Variants in SORCS2 observed in about 807,000 individuals in gnomAD.
The protein encoded by SORCS2 is VPS10 domain-containing receptor SorCS2.
A neutral mutation model predicts 141.6 loss-of-function variants in SORCS2; 100 were observed. The observed-to-expected ratio is 0.71, with a 90% CI of 0.60 to 0.83. SORCS2 has a LOEUF of 0.83. Among genes scored for constraint, SORCS2 ranks in the 40% least tolerant of loss-of-function variants. The probability of loss-of-function intolerance (pLI) is 0.00; values close to 1 mark genes in which losing one functional copy is unlikely to be tolerated. For missense variants in SORCS2, 1,646 were observed against 1,560.2 expected (o/e 1.05, Z -0.93); for synonymous variants, 789 against 676.9 (o/e 1.17, Z -2.57).
chr4:7,712,084 C>T (rs1040392387), intron 14 of SORCS2, among the ~76,000 whole-genome samples: 2 of 152,156 alleles, frequency 1.3e-5, no homozygotes, highest in African/African-American at 4.8e-5. Context: ...ATACATGACA[C>T]CCTAAGTGGC....
At chr4:7,570,996 C>T (rs796297680) in intron 3 of SORCS2, among the ~76,000 whole-genome samples, 10 of 152,344 alleles carry the variant, frequency 6.6e-5, no homozygotes, top group African/African-American at 2.4e-4. Flanking sequence ...CGCAGCCACT[C>T]TCCAAGGAAA....
rs1373995864 is a variant in SORCS2, at chr4:7,512,624, C to G, written c.549-18906C>G. On this transcript the variant is annotated intron_variant, in intron 2 of 26. Transcript: ENST00000507866. ...TTAACCTCTACTTCCCTCTGGCTTT[C>G]AACAGGCAGGACAGCAGAGAAGGCC... 2.0e-5 allele frequency among the ~76,000 whole-genome samples: 3 copies of G among 152,056 alleles called. No individual in the cohort carries two copies. In the East Asian group the frequency reaches 5.8e-4, roughly 29 times the overall value.
At chr4:7,368,153 C>G (rs1360416094) in intron 1 of SORCS2, among the ~76,000 whole-genome samples, 1 of 152,206 alleles carries the variant, frequency 6.6e-6, no homozygotes. Flanking sequence ...GTGCCGGAAT[C>G]CTGTTCCAAA....
chr4:7,355,227 T>C (rs1577437436), intron 1 of SORCS2, among the ~76,000 whole-genome samples: 1 of 152,146 alleles, frequency 6.6e-6, no homozygotes, highest in Middle Eastern at 3.4e-3. Flanking sequence ...TCCCCTTCAC[T>C]CTCCCTTCTC....
At chr4:7,413,530 T>G (rs370959588) in intron 2 of SORCS2, among the ~76,000 whole-genome samples, 3 of 151,154 alleles carry the variant, frequency 2.0e-5, no homozygotes, top group African/African-American at 7.3e-5. Context: ...AGTAGCTACA[T>G]GCGCCCGCCA....
At chr4:7,737,730 C>T (rs1333850551) in intron 26 of SORCS2, among the ~76,000 whole-genome samples, 1 of 152,244 alleles carries the variant, frequency 6.6e-6, no homozygotes. Flanking sequence ...CCGCCCACCT[C>T]AGCGGCGTAG....
At chr4:7,638,187 A>G in intron 3 of SORCS2, 141 bp from the exon 4 acceptor site, 3 of 1,032,638 alleles carry the variant, frequency 2.9e-6, no homozygotes, top group South Asian at 3.5e-5. Context: ...TGAAGGGGAG[A>G]GGCACACCCG....
chr4:7,325,417 A>G (rs1261262843), intron 1 of SORCS2, among the ~76,000 whole-genome samples: 1 of 152,166 alleles, frequency 6.6e-6, no homozygotes, highest in Non-Finnish European at 1.5e-5. Context: ...GAATGAATGA[A>G]TGAAGCAGGC....
intron 1 of SORCS2, among the ~76,000 whole-genome samples, chr4:7,317,175 T>C (rs1718615455): frequency 6.6e-6 from 1 of 152,122 alleles, no homozygotes; most frequent in African/African-American, 2.4e-5. Context: ...TGGTGTAGTG[T>C]TGAAGGATGG....
rs1260939310 is a variant in SORCS2, at chr4:7,403,961, G to GTGTATATA, written c.548+7607_548+7608insGTATATAT. On this transcript the variant is annotated intron_variant, in intron 2 of 26. Coordinates refer to ENST00000507866, the MANE Select transcript of SORCS2 (RefSeq NM_020777.3). ...TGTCATTTTCTCTGCCTCCATGTGT[G>GTGTATATA]TATATATATATATATATATATATAT... Among the ~76,000 whole-genome samples the GTGTATATA allele has an allele frequency of 1.7e-4, 5 of 29,902 alleles. No individual in the cohort carries two copies. The East Asian group carries it at 3.5e-3, about 21-fold the overall frequency. The allele number at this position is 29,902 out of a possible 152,430, so 19.6% of individuals were successfully genotyped here.
chr4:7,593,048 C>G (rs1423109211), intron 3 of SORCS2, among the ~76,000 whole-genome samples: 1 of 152,168 alleles, frequency 6.6e-6, no homozygotes, highest in Non-Finnish European at 1.5e-5. Context: ...TGATAGGGCT[C>G]AGCCAGAAGG....
chr4:7,502,878 A>G (rs1732059394), intron 2 of SORCS2, among the ~76,000 whole-genome samples: 1 of 152,256 alleles, frequency 6.6e-6, no homozygotes, highest in Admixed American at 6.5e-5. Context: ...GGAGAGGAGA[A>G]TATTATAAAA....
chr4:7,602,521 G>A (rs965914746), intron 3 of SORCS2, among the ~76,000 whole-genome samples: 32 of 151,048 alleles, frequency 2.1e-4, no homozygotes, highest in South Asian at 4.2e-4. Flanking sequence ...GACGATGGGC[G>A]GCCGGGCAGA....
intron 1 of SORCS2, chr4:7,381,803 A>G: frequency 1.7e-6 from 1 of 579,726 alleles, no homozygotes; most frequent in South Asian, 7.6e-5. Context: ...AGCCATGTGC[A>G]GCCTGAAGGC....
intron 3 of SORCS2, among the ~76,000 whole-genome samples, chr4:7,546,612 T>G (rs948714906): frequency 2.0e-5 from 3 of 152,210 alleles, no homozygotes; most frequent in African/African-American, 4.8e-5. Flanking sequence ...CCGTGACACC[T>G]GGCCCCCAAG....
intron 3 of SORCS2, among the ~76,000 whole-genome samples, chr4:7,561,864 A>G (rs1714608659): frequency 6.6e-6 from 1 of 151,618 alleles, no homozygotes; most frequent in South Asian, 2.1e-4. Context: ...CCCATCCATC[A>G]GTCTACTCAT....
chr4:7,641,417 G>T (rs895977008), intron 4 of SORCS2, among the ~76,000 whole-genome samples: 3 of 152,118 alleles, frequency 2.0e-5, no homozygotes, highest in Admixed American at 2.0e-4. Flanking sequence ...TATCACACAA[G>T]AACAGCATGG....
intron 2 of SORCS2, among the ~76,000 whole-genome samples, chr4:7,459,073 C>G (rs532084301): frequency 1.3e-5 from 2 of 150,956 alleles, no homozygotes; most frequent in African/African-American, 4.8e-5. Context: ...GATATTGCTC[C>G]CCTGGGCTGG....
In SORCS2 at chr4:7,742,684, AGG is replaced by A; in HGVS notation, c.*2421_*2422del. 1 of 152,424 alleles carries A rather than the reference AGG, an allele frequency of 6.6e-6. No individual in the cohort carries two copies. Among genetic ancestry groups the A allele is most frequent in the South Asian group, 2.1e-4 (1 of 4,824 alleles). The allele number at this position is 152,424 out of a possible 1,614,324, so 9.4% of individuals were successfully genotyped here. ...TCGAGGGTCTGCATATCTGATGTTC[AGG>A]TAGACCTGGGCGCCTGGGAACGAGG... On this transcript the variant is annotated 3_prime_UTR_variant, in exon 27 of 27. Transcript: ENST00000507866.
Sources: allele counts gnomAD v4.1 joint callset (sites outside exome capture counted in the v4.1 genomes callset), GRCh38; gene constraint gnomAD v4.1.1; transcripts MANE v1.5; gene names NCBI Gene and HGNC (gene_info 2026-07-23, HGNC 2026-07-21).